The following SLC7A8 variants were observed in gnomAD, a reference collection of about 807,000 sequenced individuals.
SLC7A8 encodes the protein solute carrier family 7 member 8, also known as large neutral amino acids transporter small subunit 2.
Under a neutral mutation model 51.2 loss-of-function variants are expected in SLC7A8, and 30 were observed. The ratio of observed to expected loss-of-function variants is 0.59; its 90% confidence interval spans 0.44 to 0.80. SLC7A8 has a LOEUF of 0.80. Ranked by LOEUF, SLC7A8 falls within the 30% of genes least tolerant of loss-of-function variation. The pLI is 0.00. For synonymous variants in SLC7A8, 257 were observed against 275.8 expected, an observed-to-expected ratio of 0.93 and a Z score of 0.67; for missense variants, 612 against 674.4, an observed-to-expected ratio of 0.91 and a Z score of 1.03.
intron 7 of SLC7A8, among the ~76,000 whole-genome samples, chr14:23,133,005 G>A (rs2048654024): frequency 6.6e-6 from 1 of 151,940 alleles, no homozygotes; most frequent in Non-Finnish European, 1.5e-5. Flanking sequence ...TCTCGAACTG[G>A]GCTCTAATGA....
chr14:23,137,228 G>T (rs61492401), intron 7 of SLC7A8, among the ~76,000 whole-genome samples: 3,109 of 152,276 alleles, frequency 0.02, 105 homozygotes, highest in African/African-American at 0.07. Flanking sequence ...GGACCCGCTC[G>T]CACTTCTGGC....
chr14:23,140,554 T>C lies in SLC7A8; in HGVS notation c.705A>G (p.Ala235=), dbSNP rs968956098. Residue 235 remains alanine (A), a synonymous_variant, in exon 5 of 11, where the codon GCA becomes GCG. Transcript: ENST00000316902. ...NFQEPDIGLV[A]LAFLQGSFAY... ...CAAAGGAGCCCTGAAGGAAAGCCAGTGCGACGAGGCCGATGTCAGGTTCCT... is the reference window on the plus strand; with the variant it reads ...CAAAGGAGCCCTGAAGGAAAGCCAGCGCGACGAGGCCGATGTCAGGTTCCT... 3 of 1,614,176 alleles carry C rather than the reference T, an allele frequency of 1.9e-6. No individual in the cohort carries two copies. Among genetic ancestry groups the C allele is most frequent in the Admixed American group, 1.7e-5 (1 of 60,028 alleles).
chr14:23,154,500 T>C, intron 3 of SLC7A8: 1 of 982,876 alleles, frequency 1.0e-6, no homozygotes, highest in Non-Finnish European at 1.2e-6. Context: ...CCTCCCCCGC[T>C]TGTGGAAGGA....
At chr14:23,178,934 C>CCTAGG (rs1877044817) in intron 1 of SLC7A8, among the ~76,000 whole-genome samples, 1 of 148,820 alleles carries the variant, frequency 6.7e-6, no homozygotes, top group Admixed American at 6.7e-5. Context: ...TGCTCTGTTG[C>CCTAGG]CTAGGCTGGC....
At chr14:23,179,525 G>A (rs1284347037) in intron 1 of SLC7A8, among the ~76,000 whole-genome samples, 1 of 151,708 alleles carries the variant, frequency 6.6e-6, no homozygotes, top group Admixed American at 6.6e-5. Context: ...AAAAAGATCT[G>A]GGGGCCGGGC....
chr14:23,159,212 A>G (rs2048909115), intron 3 of SLC7A8, among the ~76,000 whole-genome samples: 1 of 152,122 alleles, frequency 6.6e-6, no homozygotes, highest in African/African-American at 2.4e-5. Flanking sequence ...TAGCTGATGG[A>G]TTTTTTTAGT....
intron 1 of SLC7A8, among the ~76,000 whole-genome samples, chr14:23,172,634 T>C (rs374944006): frequency 1.3e-5 from 2 of 152,338 alleles, no homozygotes; most frequent in African/African-American, 4.8e-5. Flanking sequence ...TTTGTCTTCC[T>C]TGGTGGTTTT....
At chr14:23,160,427 C>T (rs899899453) in intron 3 of SLC7A8, among the ~76,000 whole-genome samples, 5 of 151,992 alleles carry the variant, frequency 3.3e-5, no homozygotes, top group Admixed American at 1.3e-4. Flanking sequence ...AAAAATTAGC[C>T]GGACGTGGTG....
chr14:23,166,599 T>C (rs1258466825), intron 1 of SLC7A8, 59 bp from the exon 2 acceptor site: 29 of 1,579,222 alleles, frequency 1.8e-5, no homozygotes, highest in Non-Finnish European at 2.3e-5. Context: ...GTTGGCAGGA[T>C]TGGCATTTGG....
At chr14:23,181,446 T>TG (rs1877170999) in intron 1 of SLC7A8, among the ~76,000 whole-genome samples, 2 of 5,054 alleles carry the variant, frequency 4.0e-4, no homozygotes, top group Admixed American at 2.7e-3. Context: ...GAGGAGTTGG[T>TG]GGGGGTGGGG....
chr14:23,135,857 C>T lies in SLC7A8; in HGVS notation c.1016+2064G>A, dbSNP rs188427702. 2.0e-5 allele frequency among the ~76,000 whole-genome samples: 3 copies of T among 152,212 alleles called. No individual in the cohort carries two copies. In the East Asian group the frequency reaches 5.8e-4, roughly 29 times the overall value. On this transcript the variant is annotated intron_variant, in intron 7 of 10. Transcript: ENST00000316902. ...ATCATCTGTAGCTTGAAAATATGTA[C>T]ATCTATTATATACATATGAATATGA... is the stretch of plus-strand genomic sequence containing the variant.
intron 4 of SLC7A8, among the ~76,000 whole-genome samples, chr14:23,142,734 T>C (rs1448679540): frequency 6.6e-6 from 1 of 152,138 alleles, no homozygotes; most frequent in Non-Finnish European, 1.5e-5. Flanking sequence ...ACTCCTGGGC[T>C]CAAGTGATCC....
Sources: allele counts gnomAD v4.1 joint callset (sites outside exome capture counted in the v4.1 genomes callset), GRCh38; gene constraint gnomAD v4.1.1; transcripts MANE v1.5; gene names NCBI Gene and HGNC (gene_info 2026-07-23, HGNC 2026-07-21).